CDC42BPG: variants seen among roughly 807,000 people sequenced by gnomAD.
The protein encoded by CDC42BPG is serine/threonine-protein kinase MRCK gamma.
CDC42BPG carries 157 observed loss-of-function variants against 192.2 expected under a neutral mutation model. The ratio of observed to expected loss-of-function variants is 0.82; its 90% CI spans 0.72 to 0.93. The LOEUF is 0.93. Among genes scored for constraint, CDC42BPG ranks in the 40% least tolerant of loss-of-function variants. The pLI is 0.00. For missense variants in CDC42BPG, 1,992 were observed against 2,122.1 expected (o/e 0.94, Z 1.20); for synonymous variants, 981 against 918.5 (o/e 1.07, Z -1.23).
intron 6 of CDC42BPG, 70 bp from the exon 7 acceptor site, chr11:64,839,303 G>A: frequency 1.3e-6 from 2 of 1,579,250 alleles, no homozygotes; most frequent in East Asian, 2.2e-5. Flanking sequence ...TCCTCGCGAT[G>A]GCCCTGTCAC....
At chr11:64,835,456 C>G (rs746796512) in intron 15 of CDC42BPG, 37 bp from the exon 16 acceptor site, 2 of 1,611,596 alleles carry the variant, frequency 1.2e-6, no homozygotes, top group African/African-American at 2.7e-5. Context: ...ACTCACCGCC[C>G]AGGCCAGGCC....
chr11:64,839,649 A>T, intron 5 of CDC42BPG, 78 bp from the exon 6 acceptor site: 2 of 1,202,220 alleles, frequency 1.7e-6, no homozygotes, highest in Non-Finnish European at 2.4e-6. Context: ...CCAGGTGCAC[A>T]TGCACGGTGT....
In CDC42BPG at chr11:64,836,730, A is replaced by AG; in HGVS notation, c.1384+8_1384+9insC. On this transcript the variant is annotated intron_variant, in intron 11 of 36. Transcript: ENST00000342711. ...CTGGGGGGGGGGGGGGGGTGGGCGGAAGGGATACCTGGCAGCCTGTCCCGC... is the reference window on the plus strand; with the variant it reads ...CTGGGGGGGGGGGGGGGGTGGGCGGAGAGGGATACCTGGCAGCCTGTCCCGC... The AG allele has an allele frequency of 4.1e-6, 3 of 723,626 alleles. No homozygotes were observed. The highest frequency in any genetic ancestry group is 2.0e-5 in the South Asian group (1 of 49,682). 44.8% of individuals were successfully genotyped at this position (723,626 alleles called of 1,614,324 possible).
chr11:64,832,833 A>T lies in CDC42BPG; in HGVS notation c.2858T>A (p.Phe953Tyr). 6.3e-7 allele frequency: 1 copy of T among 1,585,654 alleles called. No homozygotes were observed. The highest frequency in any genetic ancestry group is 1.1e-5 in the South Asian group (1 of 87,720). Residue 953 changes from phenylalanine to tyrosine, a missense_variant, in exon 25 of 37, where the codon TTT becomes TAT. Phe to Tyr is a conservative substitution (Grantham distance 22, BLOSUM62 3). Transcript: ENST00000342711. ...ETGTGTAYEGFLSVPRPSGVR... is the reference protein window; with the variant it reads ...ETGTGTAYEGYLSVPRPSGVR... ...CCCTCGGCCCCCACTCACCGACAGA[A>T]AGCCCTCATAGGCAGTGCCTGTGCC...
Position 64,844,437 on chromosome 11 carries a change from G to C in CDC42BPG, c.133C>G (p.Arg45Gly). The C allele has an allele frequency of 2.1e-6, 3 of 1,453,564 alleles. No individual in the cohort carries two copies. Among genetic ancestry groups the C allele is most frequent in the Non-Finnish European group, 2.7e-6 (3 of 1,106,838 alleles). 90.0% of individuals were successfully genotyped at this position (1,453,564 alleles called of 1,614,324 possible). The change falls in exon 1 of 37, where the codon CGC (arginine) becomes GGC (glycine). Residue 45 changes from arginine (R) to glycine (G), a missense_variant. Arg to Gly is a moderately radical substitution (Grantham distance 125, BLOSUM62 -2). Transcript: ENST00000342711. The part of the protein sequence containing the change: ...ELSSGPLRRE[R>G]SVAQFLSWAS... Reference sequence around the variant, plus strand: ...CAGCTCAGGAACTGCGCCACGCTGCGCTCCCGCCGTAGGGGGCCGCTGCTG... The same window carrying C: ...CAGCTCAGGAACTGCGCCACGCTGCCCTCCCGCCGTAGGGGGCCGCTGCTG...
At chr11:64,832,044 C>T (rs1942719947) in intron 27 of CDC42BPG, among the ~76,000 whole-genome samples, 1 of 152,210 alleles carries the variant, frequency 6.6e-6, no homozygotes, top group Non-Finnish European at 1.5e-5. Flanking sequence ...GGGCTGGGCT[C>T]CAGTGCAGGG....
intron 1 of CDC42BPG, among the ~76,000 whole-genome samples, chr11:64,842,923 AGGCAGAAGCCCGCAGCGGGGGCGGGGT>A (rs1565703305): frequency 6.6e-6 from 1 of 152,154 alleles, no homozygotes; most frequent in African/African-American, 2.4e-5. Flanking sequence ...CAGGTTTATC[AGGCAGAAGCCCGCAGCGGGGGCGGGGT>A]GGAAACCTCA....
rs1230349841 is a variant in CDC42BPG at position 64,829,987 on chromosome 11, G to A, written c.3451C>T (p.Arg1151Cys). 25 of 1,612,794 alleles carry A rather than the reference G, an allele frequency of 1.6e-5. No homozygotes were observed. Among genetic ancestry groups the A allele is most frequent in the Non-Finnish European group, 2.0e-5 (24 of 1,179,890 alleles). The change falls in exon 30 of 37, where the codon CGC (arginine) becomes TGC (cysteine). Residue 1151 changes from arginine (R) to cysteine (C), a missense_variant. By Grantham distance (180) the Arg-to-Cys change is radical. Transcript: ENST00000342711. The stretch of plus-strand genomic sequence containing the variant: ...GCAAAGAGACGCACGCTGGGGCCGC[G>A]GCCACACAGCACGACCAGCAGGCCT... Reference protein sequence around the residue: ...SAGLLVVLCGRGPSVRLFALA... With the variant: ...SAGLLVVLCGCGPSVRLFALA...
rs757243070 is a variant in CDC42BPG at position 64,839,613 on chromosome 11, G to C, written c.582-42C>G. 2.3e-5 allele frequency: 36 copies of C among 1,552,442 alleles called. 1 individual carries two copies. The South Asian group carries it at 3.9e-4, about 17-fold the overall frequency. ...AGGGAGAGTGAGGCGTTTGACCTGT[G>C]TGTAAGTGGCCATTTAGGCACACGC... On this transcript the variant is annotated intron_variant, in intron 5 of 36. Coordinates refer to ENST00000342711, the MANE Select transcript of CDC42BPG (RefSeq NM_017525.3).
intron 5 of CDC42BPG, 31 bp downstream of exon 5, chr11:64,840,089 G>A: frequency 6.3e-7 from 1 of 1,599,094 alleles, no homozygotes; most frequent in South Asian, 1.1e-5. Context: ...GGGCAGCGGG[G>A]TTGGGCAGGG....
chr11:64,844,641 C>G lies in CDC42BPG; in HGVS notation c.-72G>C, dbSNP rs914070330. 2.5e-5 allele frequency: 29 copies of G among 1,170,222 alleles called. No individual in the cohort carries two copies. Among genetic ancestry groups the G allele is most frequent in the Non-Finnish European group, 3.0e-5 (28 of 933,318 alleles). 72.5% of individuals were successfully genotyped at this position (1,170,222 alleles called of 1,614,324 possible). A position where few individuals can be genotyped will look rare whatever the true frequency, so the allele number is the denominator to read the frequency against. ...ATGCCCGCCTGTCGGGCCGTCCGTCCGCCCAACCGTCTGAGGCTCTGTCCG... is the reference window on the plus strand; with the variant it reads ...ATGCCCGCCTGTCGGGCCGTCCGTCGGCCCAACCGTCTGAGGCTCTGTCCG... On this transcript the variant is annotated 5_prime_UTR_variant, in exon 1 of 37. Transcript: ENST00000342711.
chr11:64,839,897 C>G (rs4930682), intron 5 of CDC42BPG, among the ~76,000 whole-genome samples: 39,819 of 152,092 alleles, frequency 0.26, 5,571 homozygotes, highest in East Asian at 0.52. Flanking sequence ...ACAGGTGTTT[C>G]CCTGTGCTAA....
In CDC42BPG at chr11:64,836,934, T is replaced by C. The variant is rs747306125; in HGVS notation, c.1291A>G (p.Arg431Gly). The change falls in exon 10 of 37, where the codon AGG (arginine) becomes GGG (glycine). Residue 431 changes from arginine to glycine, a missense_variant. Arg to Gly is a moderately radical substitution (Grantham distance 125, BLOSUM62 -2). Transcript: ENST00000342711. ...CLEQEKVELS[R>G]KHQEALHAPT... ...CCGCTCCCAGTACCTTGGTGCTTCC[T>C]GCTCAGCTCCACCTTCTCCTGCTCC... 6.0e-5 allele frequency: 96 copies of C among 1,613,276 alleles called. No homozygotes were observed. Among genetic ancestry groups the C allele is most frequent in the Middle Eastern group, 3.3e-4 (2 of 6,084 alleles).
chr11:64,827,063 C>T lies in CDC42BPG; in HGVS notation c.4376G>A (p.Arg1459Lys). The T allele has an allele frequency of 6.2e-7, 1 of 1,611,746 alleles. No homozygotes were observed. The highest frequency in any genetic ancestry group is 8.5e-7 in the Non-Finnish European group (1 of 1,178,028). ...VGPANGRPGA[R>K]DKSPAPEEKG... Reference sequence around the variant, plus strand: ...CAGAGGACTAACCGGGGACTTGTCCCTGGCGCCGGGCCGCCCGTTGGCAGG... The same window carrying T: ...CAGAGGACTAACCGGGGACTTGTCCTTGGCGCCGGGCCGCCCGTTGGCAGG... Residue 1459 changes from arginine to lysine, a missense_variant, in exon 34 of 37, where the codon AGG becomes AAG. Physicochemically the swap from Arg to Lys is conservative, Grantham distance 26. This residue lies in a region of CDC42BPG where 336 missense variants were observed against 277.9 expected (regional missense o/e 1.21). Transcript: ENST00000342711.
intron 20 of CDC42BPG, 92 bp from the exon 21 acceptor site, chr11:64,834,069 G>C: frequency 6.4e-7 from 1 of 1,564,516 alleles, no homozygotes; most frequent in Non-Finnish European, 8.8e-7. Flanking sequence ...AGTAAAATGG[G>C]AAATGACCAC....
In CDC42BPG at chr11:64,826,525, C is replaced by CT; in HGVS notation, c.4543dup (p.Ser1515LysfsTer32). The CT allele has an allele frequency of 6.2e-7, 1 of 1,604,892 alleles. No homozygotes were observed. The highest frequency in any genetic ancestry group is 8.5e-7 in the Non-Finnish European group (1 of 1,176,318). On this transcript the variant is annotated frameshift_variant, in exon 36 of 37. Transcript: ENST00000342711. LOFTEE classifies it high-confidence loss of function. ...TCCCTGGGGGCAGGACACAGACTCG[C>CT]TGGACAGGGATGTCCAGGGTTTCCT...
intron 28 of CDC42BPG, 139 bp downstream of exon 28, chr11:64,831,366 G>T: frequency 1.3e-6 from 1 of 744,250 alleles, no homozygotes; most frequent in East Asian, 2.8e-5. Context: ...CAGGAGGCTG[G>T]AGCACATACG....
intron 11 of CDC42BPG, 34 bp downstream of exon 11, chr11:64,836,705 C>CCGGAGGGGGGG: frequency 2.8e-6 from 1 of 352,542 alleles, no homozygotes; most frequent in South Asian, 3.3e-5. Context: ...GGACTCAGCC[C>CCGGAGGGGGGG]TGGGGGGGGG....
Position 64,835,846 on chromosome 11 carries a change from C to T in CDC42BPG, c.1674G>A (p.Glu558=). The T allele has an allele frequency of 6.2e-7, 1 of 1,610,640 alleles. No individual in the cohort carries two copies. The highest frequency in any genetic ancestry group is 8.5e-7 in the Non-Finnish European group (1 of 1,179,216). Residue 558 remains glutamate (E), a synonymous_variant, in exon 14 of 37, where the codon GAG becomes GAA. Coordinates refer to ENST00000342711, the MANE Select transcript of CDC42BPG (RefSeq NM_017525.3). ...EEARAAQREL[E]AQVSSLSRQV... ...GCCGGCTCAGGGAGGACACCTGGGC[C>T]TCCAGCTGTGAGGGGTGCAGAGGCA... is the stretch of plus-strand genomic sequence containing the variant.
Sources: gnomAD v4.1 joint callset for allele counts (sites outside exome capture counted in the v4.1 genomes callset) on GRCh38, gnomAD v4.1.1 for gene constraint, gnomAD v4.1.1 regional missense constraint, MANE v1.5 for transcripts, NCBI Gene and HGNC (gene_info 2026-07-23, HGNC 2026-07-21) for gene names.